Variants in KLF3 observed in about 807,000 individuals in gnomAD.
The protein encoded by KLF3 is KLF transcription factor 3, also known as Krueppel-like factor 3.
Under a neutral mutation model 32.7 loss-of-function variants are expected in KLF3, and 6 were observed. The observed-to-expected ratio is 0.18, with a 90% confidence interval of 0.10 to 0.36. The LOEUF is 0.36. Ranked by LOEUF, KLF3 falls within the 10% of genes least tolerant of loss-of-function variation. KLF3 has a pLI of 1.00. For synonymous variants in KLF3, 145 were observed against 172.8 expected (o/e 0.84, Z 1.26); for missense variants, 338 against 449.7 (o/e 0.75, Z 2.25).
rs1722996790 is a variant in KLF3 at position 38,694,649 on chromosome 4, TG to T, written c.696-96del. 9.6e-6 allele frequency: 10 copies of T among 1,043,676 alleles called. No homozygotes were observed. In the Admixed American group the frequency reaches 2.0e-4, roughly 20 times the overall value. 64.7% of individuals were successfully genotyped at this position (1,043,676 alleles called of 1,614,324 possible). On this transcript the variant is annotated intron_variant, in intron 4 of 5. Transcript: ENST00000261438. ...GTTTATTTTGTTGGGATTTTTTGTT[TG>T]TTTGTTTTTGCCCAGTGTTGTTAAT...
rs1723137297 is a variant in KLF3 at position 38,699,268 on chromosome 4, A to G, written c.*2005A>G. On this transcript the variant is annotated 3_prime_UTR_variant, in exon 6 of 6. Transcript: ENST00000261438. ...TGTTTTTCAGCTAAAGGCAAAGATA[A>G]TTTTTTTTTCAGCTGAAGTTTTTCT... 6.6e-6 allele frequency: 1 copy of G among 151,336 alleles called. No homozygotes were observed. Among genetic ancestry groups the G allele is most frequent in the South Asian group, 2.1e-4 (1 of 4,782 alleles). 9.4% of individuals were successfully genotyped at this position (151,336 alleles called of 1,614,324 possible).
At chr4:38,681,262 T>G (rs1340156814) in intron 2 of KLF3, among the ~76,000 whole-genome samples, 1 of 152,130 alleles carries the variant, frequency 6.6e-6, no homozygotes, top group East Asian at 1.9e-4. Flanking sequence ...AATCCTCTCA[T>G]GACAGAAGTA....
chr4:38,688,703 T>C lies in KLF3; in HGVS notation c.176T>C (p.Met59Thr). Reference protein sequence around the residue: ...TPEGLSHGIQMEPVDLTVNKR... With the variant: ...TPEGLSHGIQTEPVDLTVNKR... Reference sequence around the variant, plus strand: ...GAAGGTCTGTCGCACGGAATACAGATGGAGCCAGTGGACCTCACGGTGAAC... The same window carrying C: ...GAAGGTCTGTCGCACGGAATACAGACGGAGCCAGTGGACCTCACGGTGAAC... The change falls in exon 3 of 6, where the codon ATG becomes ACG. Residue 59 changes from methionine (M) to threonine (T), a missense_variant. Met to Thr is a moderately conservative substitution (Grantham distance 81). Around this residue, in one of 2 missense-constraint regions of KLF3, gnomAD observed 272 missense variants for 313.4 expected, o/e 0.87. Transcript: ENST00000261438. The surrounding 1 kb of genome is among the most constrained non-coding windows in gnomAD (Gnocchi z 4.9). 1 of 1,614,166 alleles carries C rather than the reference T, an allele frequency of 6.2e-7. No homozygotes were observed. Among genetic ancestry groups the C allele is most frequent in the Non-Finnish European group, 8.5e-7 (1 of 1,180,040 alleles).
At chr4:38,681,747 A>T (rs1022735683) in intron 2 of KLF3, among the ~76,000 whole-genome samples, 39 of 152,210 alleles carry the variant, frequency 2.6e-4, no homozygotes, top group African/African-American at 8.7e-4. Context: ...AATATTCACA[A>T]GGGGGAAAAC....
At chr4:38,685,721 C>T (rs1051307392) in intron 2 of KLF3, among the ~76,000 whole-genome samples, 27 of 152,132 alleles carry the variant, frequency 1.8e-4, no homozygotes, top group Admixed American at 4.6e-4. Flanking sequence ...GCTACATTTT[C>T]GTCAATAGAA....
chr4:38,693,232 G>A (rs1579132637), intron 4 of KLF3, among the ~76,000 whole-genome samples: 1 of 148,430 alleles, frequency 6.7e-6, no homozygotes, highest in African/African-American at 2.5e-5. Flanking sequence ...TCTAAACTTG[G>A]CCTATTTTAT....
rs1722774378 is a variant in KLF3, at chr4:38,688,685, T to A, written c.158T>A (p.Leu53Gln). Residue 53 changes from leucine (L) to glutamine (Q), a missense_variant, in exon 3 of 6, where the codon CTG becomes CAG. This residue lies in a region of KLF3 where 272 missense variants were observed against 313.4 expected (regional missense o/e 0.87). Coordinates refer to ENST00000261438, the MANE Select transcript of KLF3 (RefSeq NM_016531.6). This position sits in a 1 kb window ranked among gnomAD's most constrained non-coding sequence, Gnocchi z 4.9. Reference sequence around the variant, plus strand: ...AAGTTCTTTCAGACCCCAGAAGGTCTGTCGCACGGAATACAGATGGAGCCA... The same window carrying A: ...AAGTTCTTTCAGACCCCAGAAGGTCAGTCGCACGGAATACAGATGGAGCCA... The part of the protein sequence containing the change: ...PEKFFQTPEG[L>Q]SHGIQMEPVD... 6.2e-7 allele frequency: 1 copy of A among 1,614,206 alleles called. No homozygotes were observed.
intron 2 of KLF3, among the ~76,000 whole-genome samples, chr4:38,684,530 TG>T (rs1722632202): frequency 7.6e-6 from 1 of 131,724 alleles, no homozygotes; most frequent in South Asian, 2.5e-4. Flanking sequence ...TTTTTTGTTT[TG>T]GTTTTTTGTG....
In KLF3 at chr4:38,689,862, G is replaced by T. The variant is rs61750339; in HGVS notation, c.678G>T (p.Pro226=). 3 of 1,599,640 alleles carry T rather than the reference G, an allele frequency of 1.9e-6. No individual in the cohort carries two copies. The highest frequency in any genetic ancestry group is 2.3e-5 in the East Asian group (1 of 44,352). ...CCTTAATGAACTCAGTGTCCCCCCC[G>T]CAAGCATTGTTGCAAGAGTAAGTAT... The part of the protein sequence containing the change: ...SPPLMNSVSP[P]QALLQENHPS... Residue 226 remains proline, a synonymous_variant, in exon 4 of 6, where the codon CCG becomes CCT. Coordinates refer to ENST00000261438, the MANE Select transcript of KLF3 (RefSeq NM_016531.6).
intron 4 of KLF3, among the ~76,000 whole-genome samples, chr4:38,693,140 A>G (rs895157015): frequency 5.3e-5 from 7 of 133,106 alleles, no homozygotes; most frequent in East Asian, 2.2e-4. Context: ...GTGTATATAT[A>G]TGTGTATATA....
chr4:38,669,286 T>C (rs1722131348), intron 1 of KLF3, among the ~76,000 whole-genome samples: 1 of 152,214 alleles, frequency 6.6e-6, no homozygotes, highest in Admixed American at 6.5e-5. Flanking sequence ...GTATGTGATA[T>C]TCTAGTCAGA....
At chr4:38,666,365 T>A (rs1560411789) in intron 1 of KLF3, among the ~76,000 whole-genome samples, 1 of 152,140 alleles carries the variant, frequency 6.6e-6, no homozygotes, top group Non-Finnish European at 1.5e-5. Flanking sequence ...GGCACAGTGA[T>A]GCTCTTTTTT....
intron 2 of KLF3, among the ~76,000 whole-genome samples, chr4:38,683,507 C>G (rs1425296394): frequency 1.3e-5 from 2 of 151,936 alleles, no homozygotes; most frequent in East Asian, 1.9e-4. Context: ...TGCCTTCAGT[C>G]TCTGCTACTT....
chr4:38,666,232 A>G (rs1722035392), intron 1 of KLF3, among the ~76,000 whole-genome samples: 1 of 152,222 alleles, frequency 6.6e-6, no homozygotes. Context: ...AATAACAAAG[A>G]AAAGTAACTG....
intron 1 of KLF3, among the ~76,000 whole-genome samples, chr4:38,667,321 C>T (rs571052183): frequency 1.3e-3 from 194 of 152,274 alleles, no homozygotes; most frequent in Admixed American, 2.6e-3. Flanking sequence ...CATATGTGTG[C>T]TCTTTCCTGT....
At position 38,669,893 on chromosome 4, in the gene KLF3, CAAAAAAAAAAAAA is replaced by C. The variant is rs60339860; in HGVS notation, c.-40+5450_-40+5462del. ...GGGCAACAAGAGTGAGACTCTGTCT[CAAAAAAAAAAAAA>C]AAAAAAAAAAAAAAAAAGATGTCCT... On this transcript the variant is annotated intron_variant, in intron 1 of 5. Transcript: ENST00000261438. Among the ~76,000 whole-genome samples the C allele has an allele frequency of 2.2e-4, 9 of 41,178 alleles. No individual in the cohort carries two copies. In the South Asian group the frequency reaches 4.5e-3, roughly 21 times the overall value. The allele number at this position is 41,178 out of a possible 152,430, so 27.0% of individuals were successfully genotyped here.
intron 4 of KLF3, 97 bp downstream of exon 4, chr4:38,689,976 A>G: frequency 1.6e-6 from 2 of 1,278,504 alleles, no homozygotes; most frequent in Non-Finnish European, 2.2e-6. Flanking sequence ...TGTGGTGTGG[A>G]TGACCAGGAA....
At chr4:38,685,676 G>C (rs113930405) in intron 2 of KLF3, among the ~76,000 whole-genome samples, 8 of 152,272 alleles carry the variant, frequency 5.3e-5, no homozygotes, top group Admixed American at 3.3e-4. Context: ...GTCATAGGGA[G>C]GTCTTGGAAG....
chr4:38,689,983 G>A, intron 4 of KLF3, 104 bp downstream of exon 4: 1 of 1,212,032 alleles, frequency 8.3e-7, no homozygotes, highest in Non-Finnish European at 1.2e-6. Flanking sequence ...TGGATGACCA[G>A]GAACGGCTTG....
Sources: allele counts gnomAD v4.1 joint callset (sites outside exome capture counted in the v4.1 genomes callset), GRCh38; gene constraint gnomAD v4.1.1; regional missense constraint gnomAD v4.1.1; non-coding constraint Gnocchi (gnomAD v3.1); transcripts MANE v1.5; gene names NCBI Gene and HGNC (gene_info 2026-07-23, HGNC 2026-07-21).